The following LHFPL2 variants were observed in gnomAD, a reference collection of about 807,000 sequenced individuals.
The protein encoded by LHFPL2 is LHFPL tetraspan subfamily member 2.
In LHFPL2, 7 loss-of-function variants were observed where a neutral mutation model predicts 17.5. The ratio of observed to expected loss-of-function variants is 0.40; its 90% CI spans 0.23 to 0.75. The LOEUF (loss-of-function observed/expected upper bound fraction) is 0.75. Among genes scored for constraint, LHFPL2 ranks in the 30% least tolerant of loss-of-function variants. The pLI is 0.37. For synonymous variants in LHFPL2, 134 were observed against 116.2 expected, an observed-to-expected ratio of 1.15 and a Z score of -0.99; for missense variants, 241 against 294.8, an observed-to-expected ratio of 0.82 and a Z score of 1.34.
In LHFPL2 at chr5:78,638,462, G is replaced by C. The variant is rs189640264; in HGVS notation, c.-349-6094C>G. ...CTGGCTCTAACATCTGCCTCCCTTC[G>C]AGGGCAGGACTATAGACCTCGTGAT... is the stretch of plus-strand genomic sequence containing the variant. On this transcript the variant is annotated intron_variant, in intron 1 of 4. Coordinates refer to ENST00000380345, the MANE Select transcript of LHFPL2 (RefSeq NM_005779.3). Among the ~76,000 whole-genome samples, 304 of 152,272 alleles carry C rather than the reference G, an allele frequency of 2.0e-3. 2 individuals are homozygous for C. Among genetic ancestry groups the C allele is most frequent in the African/African-American group, 7.1e-3 (295 of 41,546 alleles).
chr5:78,571,539 T>C (rs1756999928), intron 2 of LHFPL2, among the ~76,000 whole-genome samples: 1 of 152,138 alleles, frequency 6.6e-6, no homozygotes, highest in Non-Finnish European at 1.5e-5. Context: ...ATCTCATGGC[T>C]CACATTTACA....
At chr5:78,635,456 A>C (rs1369508851) in intron 1 of LHFPL2, among the ~76,000 whole-genome samples, 1 of 152,204 alleles carries the variant, frequency 6.6e-6, no homozygotes, top group Non-Finnish European at 1.5e-5. Context: ...CAGAAAATGG[A>C]TCATTTTCCA....
At chr5:78,592,287 T>C (rs973121955) in intron 2 of LHFPL2, among the ~76,000 whole-genome samples, 1 of 151,948 alleles carries the variant, frequency 6.6e-6, no homozygotes, top group Admixed American at 6.6e-5. Flanking sequence ...CTCAAAGGAG[T>C]GCGGGATGGA....
In LHFPL2 at chr5:78,512,443, C is replaced by CG. The variant is rs1561314699; in HGVS notation, c.-185-2046dup. On this transcript the variant is annotated intron_variant, in intron 3 of 4. Coordinates refer to ENST00000380345, the MANE Select transcript of LHFPL2 (RefSeq NM_005779.3). Reference sequence around the variant, plus strand: ...TTCAGCCAGAAGGTATATCCTACTCCGACTCACTCATTCTCAGCTCCCTCC... The same window carrying CG: ...TTCAGCCAGAAGGTATATCCTACTCCGGACTCACTCATTCTCAGCTCCCTCC... 7.3e-5 allele frequency among the ~76,000 whole-genome samples: 11 copies of CG among 150,932 alleles called. No homozygotes were observed. The South Asian group carries it at 2.3e-3, about 32-fold the overall frequency.
chr5:78,548,104 T>A (rs769574529), intron 3 of LHFPL2, among the ~76,000 whole-genome samples: 12 of 152,234 alleles, frequency 7.9e-5, no homozygotes, highest in Non-Finnish European at 1.5e-4. Flanking sequence ...CCAGCTCCCA[T>A]GACTGCAAGG....
chr5:78,551,345 G>A (rs915059852), intron 3 of LHFPL2, among the ~76,000 whole-genome samples: 2 of 152,174 alleles, frequency 1.3e-5, no homozygotes, highest in African/African-American at 4.8e-5. Context: ...ATGGCTGAAC[G>A]TCAAATCTTA....
intron 4 of LHFPL2, among the ~76,000 whole-genome samples, chr5:78,497,817 C>T (rs188016058): frequency 3.9e-4 from 59 of 152,336 alleles, no homozygotes; most frequent in African/African-American, 1.4e-3. Flanking sequence ...TTCCTGGCTA[C>T]AGAAAATACC....
chr5:78,584,921 C>G (rs1318693291), intron 2 of LHFPL2, among the ~76,000 whole-genome samples: 1 of 150,698 alleles, frequency 6.6e-6, no homozygotes, highest in East Asian at 2.0e-4. Context: ...GACTGCTGTG[C>G]TAGCAATCAA....
rs890217403 is a variant in LHFPL2, at chr5:78,487,907, C to T, written c.*990G>A. 1.3e-5 allele frequency: 2 copies of T among 152,150 alleles called. No individual in the cohort carries two copies. Among genetic ancestry groups the T allele is most frequent in the East Asian group, 1.9e-4 (1 of 5,202 alleles). The allele number at this position is 152,150 out of a possible 1,614,324, so 9.4% of individuals were successfully genotyped here. ...TTGTAGAATGCCATTCTGCTACTGTCGGGATTGGAAATAGAGCTGACTACA... is the reference window on the plus strand; with the variant it reads ...TTGTAGAATGCCATTCTGCTACTGTTGGGATTGGAAATAGAGCTGACTACA... On this transcript the variant is annotated 3_prime_UTR_variant, in exon 5 of 5. Coordinates refer to ENST00000380345, the MANE Select transcript of LHFPL2 (RefSeq NM_005779.3).
intron 2 of LHFPL2, among the ~76,000 whole-genome samples, chr5:78,629,276 T>C (rs1340028747): frequency 6.6e-6 from 1 of 152,124 alleles, no homozygotes; most frequent in East Asian, 1.9e-4. Context: ...AGGGAAAAAG[T>C]CTAAGATATT....
chr5:78,585,795 A>C (rs1000978523), intron 2 of LHFPL2, among the ~76,000 whole-genome samples: 1 of 152,038 alleles, frequency 6.6e-6, no homozygotes, highest in African/African-American at 2.4e-5. Flanking sequence ...ACTCACAACA[A>C]TTTTATGAGA....
At chr5:78,552,548 C>A (rs1432147964) in intron 3 of LHFPL2, among the ~76,000 whole-genome samples, 1 of 152,232 alleles carries the variant, frequency 6.6e-6, no homozygotes, top group African/African-American at 2.4e-5. Flanking sequence ...CTGATGCCAA[C>A]TTATTCCTTT....
intron 3 of LHFPL2, among the ~76,000 whole-genome samples, chr5:78,530,401 T>A (rs984085526): frequency 1.2e-4 from 19 of 152,224 alleles, no homozygotes; most frequent in Admixed American, 9.2e-4. Flanking sequence ...AAGGTTCACA[T>A]GAAATCAGGC....
chr5:78,553,032 A>ACTTT (rs1561336151), intron 3 of LHFPL2, among the ~76,000 whole-genome samples: 1 of 152,212 alleles, frequency 6.6e-6, no homozygotes, highest in Non-Finnish European at 1.5e-5. Context: ...ATGTGAGTCA[A>ACTTT]CAGAAATGGG....
chr5:78,605,799 A>G (rs1006344692), intron 2 of LHFPL2, among the ~76,000 whole-genome samples: 1 of 152,232 alleles, frequency 6.6e-6, no homozygotes, highest in African/African-American at 2.4e-5. Context: ...ATATAATCCA[A>G]AGATGAATCA....
chr5:78,544,253 C>T (rs1230540693), intron 3 of LHFPL2, among the ~76,000 whole-genome samples: 1 of 152,226 alleles, frequency 6.6e-6, no homozygotes, highest in Non-Finnish European at 1.5e-5. Context: ...GATCATGTGT[C>T]TCTCCCACAG....
At chr5:78,629,136 T>A (rs1373212628) in intron 2 of LHFPL2, among the ~76,000 whole-genome samples, 1 of 152,216 alleles carries the variant, frequency 6.6e-6, no homozygotes, top group Non-Finnish European at 1.5e-5. Context: ...TCCTATTAAC[T>A]ACTTATCCAA....
At chr5:78,542,768 G>A (rs1756151957) in intron 3 of LHFPL2, among the ~76,000 whole-genome samples, 1 of 152,136 alleles carries the variant, frequency 6.6e-6, no homozygotes, top group African/African-American at 2.4e-5. Context: ...GGACACCTTT[G>A]CTCCCTTACT....
intron 2 of LHFPL2, among the ~76,000 whole-genome samples, chr5:78,583,138 G>A (rs1743213725): frequency 6.6e-6 from 1 of 151,536 alleles, no homozygotes; most frequent in Non-Finnish European, 1.5e-5. Flanking sequence ...TTGCTTGGTA[G>A]ATCTTCCTCC....
Sources: gnomAD v4.1 joint callset for allele counts (sites outside exome capture counted in the v4.1 genomes callset) on GRCh38, gnomAD v4.1.1 for gene constraint, MANE v1.5 for transcripts, NCBI Gene and HGNC (gene_info 2026-07-23, HGNC 2026-07-21) for gene names.